GALNT2: variants seen among roughly 807,000 people sequenced by gnomAD.
GALNT2 encodes the protein UDP-GalNAc:polypeptide N-acetylgalactosaminyltransferase 2.
Under a neutral mutation model 81.4 loss-of-function variants are expected in GALNT2, and 31 were observed. The observed-to-expected ratio is 0.38, with a 90% confidence interval of 0.29 to 0.51. The LOEUF is 0.51. Among genes scored for constraint, GALNT2 ranks in the 20% least tolerant of loss-of-function variants. GALNT2 has a pLI of 0.87. For synonymous variants in GALNT2, 303 were observed against 287.4 expected, an observed-to-expected ratio of 1.05 and a Z score of -0.55; for missense variants, 629 against 765.7, an observed-to-expected ratio of 0.82 and a Z score of 2.11.
At chr1:230,199,116 A>G (rs554371757) in intron 2 of GALNT2, among the ~76,000 whole-genome samples, 1 of 152,312 alleles carries the variant, frequency 6.6e-6, no homozygotes, top group Non-Finnish European at 1.5e-5. Context: ...CTATTTTTAA[A>G]GATTTTTAAA....
chr1:230,063,879 G>A (rs1432183983), upstream of GALNT2, among the ~76,000 whole-genome samples: 1 of 152,110 alleles, frequency 6.6e-6, no homozygotes, highest in East Asian at 1.9e-4. Context: ...TATTTTAAAG[G>A]GTGAACTGAG....
chr1:230,175,735 A>G (rs1438202440), intron 1 of GALNT2, among the ~76,000 whole-genome samples: 1 of 150,210 alleles, frequency 6.7e-6, no homozygotes, highest in Non-Finnish European at 1.5e-5. Context: ...CAGGTATTTA[A>G]GATGATAATC....
At chr1:230,156,355 C>A (rs145982150) in intron 1 of GALNT2, among the ~76,000 whole-genome samples, 68 of 151,996 alleles carry the variant, frequency 4.5e-4, no homozygotes, top group African/African-American at 1.2e-3. Context: ...TGAAGTTCAC[C>A]GTGTCATTTT....
At chr1:230,100,234 G>A (rs943386967) in intron 1 of GALNT2, among the ~76,000 whole-genome samples, 1 of 151,812 alleles carries the variant, frequency 6.6e-6, no homozygotes, top group Non-Finnish European at 1.5e-5. Flanking sequence ...ATAGGACATT[G>A]GTGACACTCA....
intron 1 of GALNT2, among the ~76,000 whole-genome samples, chr1:230,133,214 A>T (rs750880590): frequency 2.6e-5 from 4 of 152,206 alleles, no homozygotes; most frequent in Admixed American, 6.5e-5. Context: ...TTTGCAATAC[A>T]TTCTTTACTA....
chr1:230,265,690 G>A (rs1254329423), intron 14 of GALNT2, among the ~76,000 whole-genome samples: 2 of 152,184 alleles, frequency 1.3e-5, no homozygotes, highest in Non-Finnish European at 2.9e-5. Flanking sequence ...GCACTCAACC[G>A]CAAAGCACCC....
At chr1:230,269,895 C>T (rs6678813) in intron 14 of GALNT2, among the ~76,000 whole-genome samples, 69,976 of 151,832 alleles carry the variant, frequency 0.46, 16,795 homozygotes, top group East Asian at 0.74. Context: ...AGACCATGTT[C>T]CTAAAATAAT....
chr1:230,219,973 G>A (rs1200192102), intron 3 of GALNT2, among the ~76,000 whole-genome samples: 1 of 152,124 alleles, frequency 6.6e-6, no homozygotes, highest in Admixed American at 6.5e-5. Flanking sequence ...GTTGCTTTGG[G>A]ACAGAGACTA....
At chr1:230,147,682 G>A (rs2102831711) in intron 1 of GALNT2, among the ~76,000 whole-genome samples, 1 of 152,314 alleles carries the variant, frequency 6.6e-6, no homozygotes, top group Non-Finnish European at 1.5e-5. Context: ...CAGTGGTTGA[G>A]GCTAAACAGT....
At chr1:230,178,687 A>G (rs1274619185) in intron 2 of GALNT2, among the ~76,000 whole-genome samples, 1 of 152,016 alleles carries the variant, frequency 6.6e-6, no homozygotes, top group Non-Finnish European at 1.5e-5. Context: ...CCCACCCCCA[A>G]CACACATACA....
rs544285116 is a variant in GALNT2 at position 230,142,332 on chromosome 1, C to G, written c.127-35886C>G. ...GGCCACACAGGGTCTGCGAGAACTC[C>G]AGGTGGCTCTTAGAGTGGCACTGAC... On this transcript the variant is annotated intron_variant, in intron 1 of 15. Transcript: ENST00000366672. 2.0e-5 allele frequency among the ~76,000 whole-genome samples: 3 copies of G among 152,162 alleles called. No homozygotes were observed. The South Asian group carries it at 6.2e-4, about 31-fold the overall frequency.
At chr1:230,102,292 C>T (rs1028615076) in intron 1 of GALNT2, among the ~76,000 whole-genome samples, 4 of 152,154 alleles carry the variant, frequency 2.6e-5, no homozygotes, top group African/African-American at 9.7e-5. Context: ...ATGCTGAGCG[C>T]TCAGTAACCC....
chr1:230,281,688 G>A lies in GALNT2; in HGVS notation c.*2230G>A, dbSNP rs1666451716. 1 of 152,878 alleles carries A rather than the reference G, an allele frequency of 6.5e-6. No individual in the cohort carries two copies. Among genetic ancestry groups the A allele is most frequent in the African/African-American group, 2.4e-5 (1 of 41,470 alleles). 9.5% of individuals were successfully genotyped at this position (152,878 alleles called of 1,614,324 possible). Reference sequence around the variant, plus strand: ...GGGGGCGGCGTCCTGTCCCTGAGCTGGGAGGCGGCTTTGGATGGTCCGGGC... The same window carrying A: ...GGGGGCGGCGTCCTGTCCCTGAGCTAGGAGGCGGCTTTGGATGGTCCGGGC... On this transcript the variant is annotated 3_prime_UTR_variant, in exon 16 of 16. Transcript: ENST00000366672.
chr1:230,156,233 A>AG (rs1662251097), intron 1 of GALNT2, among the ~76,000 whole-genome samples: 15 of 119,376 alleles, frequency 1.3e-4, no homozygotes, highest in South Asian at 9.5e-4. Flanking sequence ...GAGAGAGAGA[A>AG]AGAGAGAGAG....
chr1:230,164,477 G>A (rs778253292), intron 1 of GALNT2, among the ~76,000 whole-genome samples: 61 of 151,858 alleles, frequency 4.0e-4, no homozygotes, highest in East Asian at 7.8e-4. Context: ...CAGGCTTGGC[G>A]GACTGCATCC....
At chr1:230,136,000 C>G (rs1311424598) in intron 1 of GALNT2, among the ~76,000 whole-genome samples, 2 of 152,076 alleles carry the variant, frequency 1.3e-5, no homozygotes, top group East Asian at 1.9e-4. Flanking sequence ...GCCAAGTGCT[C>G]TCTTTCTGAT....
chr1:230,195,079 G>C (rs765138865), intron 2 of GALNT2, among the ~76,000 whole-genome samples: 1 of 152,268 alleles, frequency 6.6e-6, no homozygotes, highest in African/African-American at 2.4e-5. Flanking sequence ...GTCTGAGTCA[G>C]GTGGAGAGAG....
chr1:230,137,134 G>A lies in GALNT2; in HGVS notation c.127-41084G>A, dbSNP rs1298445358. Among the ~76,000 whole-genome samples the A allele has an allele frequency of 2.6e-5, 4 of 152,250 alleles. No homozygotes were observed. The East Asian group carries it at 5.8e-4, about 22-fold the overall frequency. The stretch of plus-strand genomic sequence containing the variant: ...AGGCGTGTGGACTGTTCCCACCCCC[G>A]CCTGCACCCAATAAGCTTTGGGGGA... On this transcript the variant is annotated intron_variant, in intron 1 of 15. Transcript: ENST00000366672.
At chr1:230,135,930 C>T (rs941896614) in intron 1 of GALNT2, among the ~76,000 whole-genome samples, 3 of 151,874 alleles carry the variant, frequency 2.0e-5, no homozygotes, top group South Asian at 2.1e-4. Context: ...TGGTCTCAGG[C>T]GAGCTCCCCA....
Sources: gnomAD v4.1 joint callset for allele counts (sites outside exome capture counted in the v4.1 genomes callset) on GRCh38, gnomAD v4.1.1 for gene constraint, MANE v1.5 for transcripts, NCBI Gene and HGNC (gene_info 2026-07-23, HGNC 2026-07-21) for gene names.